The following GRM7 variants were observed in gnomAD, a reference collection of about 807,000 sequenced individuals.
GRM7 encodes the protein glutamate metabotropic receptor 7, also known as metabotropic glutamate receptor 7.
In GRM7, 35 loss-of-function variants were observed where a neutral mutation model predicts 84.5. The observed-to-expected ratio is 0.41, with a 90% CI of 0.32 to 0.55. The LOEUF is 0.55. Among genes scored for constraint, GRM7 ranks in the 20% least tolerant of loss-of-function variants. The pLI, the probability that GRM7 is intolerant of heterozygous loss-of-function variation, is 0.19. For synonymous variants in GRM7, 487 were observed against 455.1 expected, an observed-to-expected ratio of 1.07 and a Z score of -0.89; for missense variants, 1,003 against 1,194.6, an observed-to-expected ratio of 0.84 and a Z score of 2.36.
At chr3:7,079,861 A>G (rs554681034) in intron 1 of GRM7, among the ~76,000 whole-genome samples, 39 of 152,122 alleles carry the variant, frequency 2.6e-4, no homozygotes, top group Non-Finnish European at 4.3e-4. Flanking sequence ...TCATGCCTAC[A>G]ACAGAACCTT....
intron 4 of GRM7, among the ~76,000 whole-genome samples, chr3:7,333,530 G>T (rs1021342511): frequency 2.6e-5 from 4 of 152,116 alleles, no homozygotes; most frequent in Non-Finnish European, 4.4e-5. Flanking sequence ...AACTGAACCA[G>T]AAAAGTAATT....
intron 1 of GRM7, among the ~76,000 whole-genome samples, chr3:6,966,236 ATCAGAC>A (rs1693513027): frequency 6.6e-6 from 1 of 152,168 alleles, no homozygotes; most frequent in Admixed American, 6.5e-5. Flanking sequence ...CTTCTTCCTT[ATCAGAC>A]CACATAATTA....
chr3:6,941,844 A>G (rs1697905712), intron 1 of GRM7, among the ~76,000 whole-genome samples: 1 of 152,196 alleles, frequency 6.6e-6, no homozygotes, highest in African/African-American at 2.4e-5. Context: ...ACAAGTCATT[A>G]CCTTTACTTT....
At position 7,128,761 on chromosome 3, in the gene GRM7, G is replaced by A. The variant is rs146538120; in HGVS notation, c.520-17691G>A. Among the ~76,000 whole-genome samples, 255 of 151,712 alleles carry A rather than the reference G, an allele frequency of 1.7e-3. 2 individuals carry two copies. The highest frequency in any genetic ancestry group is 2.4e-3 in the African/African-American group (98 of 41,334). The stretch of plus-strand genomic sequence containing the variant: ...GATTTTAGGTGATCCACCCACCTTC[G>A]CTTCCCAAAGTGCTAGGATTGCAGG... On this transcript the variant is annotated intron_variant, in intron 1 of 9. Coordinates refer to ENST00000357716, the MANE Select transcript of GRM7 (RefSeq NM_000844.4).
chr3:7,531,545 T>C (rs763864192), intron 7 of GRM7, among the ~76,000 whole-genome samples: 1 of 152,226 alleles, frequency 6.6e-6, no homozygotes. Context: ...GTAAGTTGTA[T>C]TCCTAGGTAT....
At chr3:7,152,573 G>A (rs1694317606) in intron 2 of GRM7, among the ~76,000 whole-genome samples, 3 of 152,074 alleles carry the variant, frequency 2.0e-5, no homozygotes, top group Admixed American at 1.3e-4. Flanking sequence ...GTGGATTTGC[G>A]GATATTCTTT....
At chr3:7,066,027 C>T (rs879578616) in intron 1 of GRM7, among the ~76,000 whole-genome samples, 14 of 151,660 alleles carry the variant, frequency 9.2e-5, no homozygotes, top group African/African-American at 2.7e-4. Flanking sequence ...ACAGCAAAGG[C>T]GGTGCCAAGA....
chr3:7,407,042 A>G (rs1206401648), intron 4 of GRM7, among the ~76,000 whole-genome samples: 1 of 152,210 alleles, frequency 6.6e-6, no homozygotes, highest in South Asian at 2.1e-4. Flanking sequence ...AATTCTACCA[A>G]CAACAATAAA....
intron 9 of GRM7, among the ~76,000 whole-genome samples, chr3:7,686,177 C>T (rs936526262): frequency 7.9e-5 from 12 of 152,130 alleles, no homozygotes. Flanking sequence ...CTCCCATGTT[C>T]AGAGGTACCT....
chr3:7,546,089 T>C (rs1340183601), intron 7 of GRM7, among the ~76,000 whole-genome samples: 1 of 152,196 alleles, frequency 6.6e-6, no homozygotes, highest in African/African-American at 2.4e-5. Context: ...ATTAAAACCA[T>C]ACTAAAAGTG....
intron 2 of GRM7, among the ~76,000 whole-genome samples, chr3:7,291,483 A>T (rs1699618018): frequency 2.1e-5 from 3 of 142,780 alleles, no homozygotes; most frequent in Non-Finnish European, 3.0e-5. Flanking sequence ...AGGAAAAGTC[A>T]TGCCAGCTCT....
At chr3:7,342,038 G>A (rs774336207) in intron 4 of GRM7, among the ~76,000 whole-genome samples, 1 of 152,072 alleles carries the variant, frequency 6.6e-6, no homozygotes, top group Non-Finnish European at 1.5e-5. Context: ...AAATATTCAC[G>A]AGTATAGGAT....
At chr3:7,100,462 A>C (rs1699070846) in intron 1 of GRM7, among the ~76,000 whole-genome samples, 1 of 151,878 alleles carries the variant, frequency 6.6e-6, no homozygotes, top group African/African-American at 2.4e-5. Flanking sequence ...GAAAAACAAA[A>C]ATTGGATAGT....
chr3:7,453,408 G>T (rs192371543), intron 6 of GRM7, among the ~76,000 whole-genome samples: 162 of 152,198 alleles, frequency 1.1e-3, no homozygotes, highest in African/African-American at 3.6e-3. Flanking sequence ...TGTTTTGTCT[G>T]GGCTTCTGAT....
intron 1 of GRM7, among the ~76,000 whole-genome samples, chr3:6,946,201 T>G (rs1329580686): frequency 6.6e-6 from 1 of 152,212 alleles, no homozygotes; most frequent in East Asian, 1.9e-4. Context: ...AGGTCTAACA[T>G]TTAAGTCTTT....
At chr3:7,030,660 A>G (rs981402922) in intron 1 of GRM7, among the ~76,000 whole-genome samples, 1 of 152,192 alleles carries the variant, frequency 6.6e-6, no homozygotes. Context: ...CCTGGAAATC[A>G]CCGGCTTTAG....
intron 2 of GRM7, among the ~76,000 whole-genome samples, chr3:7,287,625 A>AC: frequency 6.6e-6 from 1 of 152,252 alleles, no homozygotes; most frequent in East Asian, 1.9e-4. Flanking sequence ...CTTTCTGAAA[A>AC]ATGATGAGAG....
At chr3:7,263,736 G>A (rs920339346) in intron 2 of GRM7, among the ~76,000 whole-genome samples, 2 of 152,114 alleles carry the variant, frequency 1.3e-5, no homozygotes, top group African/African-American at 4.8e-5. Context: ...TGTGACGGCA[G>A]GGGTGGGGCA....
At chr3:7,124,680 C>T (rs777466976) in intron 1 of GRM7, among the ~76,000 whole-genome samples, 7 of 152,050 alleles carry the variant, frequency 4.6e-5, no homozygotes, top group Non-Finnish European at 8.8e-5. Context: ...TTCTTATTAA[C>T]AGAGAGGTGA....
Sources: allele counts gnomAD v4.1 joint callset (sites outside exome capture counted in the v4.1 genomes callset), GRCh38; gene constraint gnomAD v4.1.1; transcripts MANE v1.5; gene names NCBI Gene and HGNC (gene_info 2026-07-23, HGNC 2026-07-21).